Variants in BCL3 observed in about 807,000 individuals in gnomAD.
BCL3 encodes B-cell lymphoma 3 protein.
BCL3 carries 15 observed loss-of-function variants against 35.7 expected under a neutral mutation model. The observed-to-expected ratio is 0.42, with a 90% CI of 0.28 to 0.65. The LOEUF is 0.65. BCL3 is among the 30% of genes least tolerant of loss of function. The pLI is 0.22. For synonymous variants in BCL3, 311 were observed against 284.3 expected, an observed-to-expected ratio of 1.09 and a Z score of -0.95; for missense variants, 565 against 641.7, an observed-to-expected ratio of 0.88 and a Z score of 1.29.
upstream of BCL3, chr19:44,747,829 T>G: frequency 1.8e-6 from 2 of 1,142,522 alleles, no homozygotes; most frequent in Non-Finnish European, 2.2e-6. Context: ...TTTCTCTCTG[T>G]GCACCTAGGA....
chr19:44,757,446 G>T lies in BCL3; in HGVS notation c.813+31G>T. The T allele has an allele frequency of 1.3e-6, 2 of 1,562,294 alleles. No individual in the cohort carries two copies. Among genetic ancestry groups the T allele is most frequent in the Non-Finnish European group, 1.7e-6 (2 of 1,153,008 alleles). The stretch of plus-strand genomic sequence containing the variant: ...CGTGCACTAGGAGCTGGGAGGGAGC[G>T]GGGCCTTAGCAGGGGCGGGGTCTTG... On this transcript the variant is annotated intron_variant, in intron 5 of 8. Coordinates refer to ENST00000164227, the MANE Select transcript of BCL3 (RefSeq NM_005178.5). This position sits in a 1 kb window ranked among gnomAD's most constrained non-coding sequence, Gnocchi z 8.4.
Position 44,759,915 on chromosome 19 carries a change from G to C in BCL3, c.*300G>C, listed in dbSNP as rs1967394407. On this transcript the variant is annotated 3_prime_UTR_variant, in exon 9 of 9. Coordinates refer to ENST00000164227, the MANE Select transcript of BCL3 (RefSeq NM_005178.5). ...CCAGAGCTGGTGGACCCAGGGAACA[G>C]CCACTCCCCTCCACTCTCTACCAGA... The C allele has an allele frequency of 2.8e-6, 1 of 362,076 alleles. No individual in the cohort carries two copies. The highest frequency in any genetic ancestry group is 2.1e-5 in the African/African-American group (1 of 47,646). 22.4% of individuals were successfully genotyped at this position (362,076 alleles called of 1,614,324 possible).
intron 1 of BCL3, among the ~76,000 whole-genome samples, chr19:44,750,080 C>G (rs1184610001): frequency 6.6e-6 from 1 of 152,246 alleles, no homozygotes; most frequent in East Asian, 1.9e-4. Context: ...TGCAGAGAGC[C>G]GTTCTACAGA....
At chr19:44,753,690 G>A (rs2927457) in intron 2 of BCL3, among the ~76,000 whole-genome samples, 8,237 of 152,074 alleles carry the variant, frequency 0.054, 713 homozygotes, top group African/African-American at 0.19. Context: ...CTAAGTCTGG[G>A]TCCCCGCAGA....
intron 2 of BCL3, among the ~76,000 whole-genome samples, chr19:44,753,416 A>C (rs1298939052): frequency 6.6e-6 from 1 of 152,106 alleles, no homozygotes; most frequent in Non-Finnish European, 1.5e-5. Flanking sequence ...CTCTCCCCCA[A>C]GGCAAACACT....
chr19:44,751,756 C>T (rs1297891836), intron 2 of BCL3, among the ~76,000 whole-genome samples: 5 of 152,158 alleles, frequency 3.3e-5, no homozygotes, highest in Non-Finnish European at 7.4e-5. Context: ...TGCCCACTGC[C>T]AAGCCTGGCT....
At chr19:44,755,271 G>A (rs892442620) in intron 2 of BCL3, 3 of 152,322 alleles carry the variant, frequency 2.0e-5, no homozygotes, top group Admixed American at 1.3e-4. Flanking sequence ...TCTGGGCAGA[G>A]GGAGAAGTTG....
upstream of BCL3, chr19:44,748,590 A>C: frequency 2.1e-6 from 1 of 487,270 alleles, no homozygotes; most frequent in Non-Finnish European, 2.7e-6. Flanking sequence ...CGGCGGGAGC[A>C]GCGGCGGGTC....
chr19:44,759,042 A>AC (rs113988056), intron 8 of BCL3, among the ~76,000 whole-genome samples: 34 of 51,456 alleles, frequency 6.6e-4, no homozygotes, highest in African/African-American at 1.8e-3. Flanking sequence ...CCTCCTTCAG[A>AC]CCCCCCAGCC....
rs1217122859 is a variant in BCL3 at position 44,759,719 on chromosome 19, C to G, written c.*104C>G. ...AAGATCTCACTCTGCCCCCCCCCCC[C>G]ATCTTCGGGACCAGGATTTGCACAG... On this transcript the variant is annotated 3_prime_UTR_variant, in exon 9 of 9. Coordinates refer to ENST00000164227, the MANE Select transcript of BCL3 (RefSeq NM_005178.5). 2.7e-4 allele frequency: 165 copies of G among 614,298 alleles called. No individual in the cohort carries two copies. Among genetic ancestry groups the G allele is most frequent in the Non-Finnish European group, 4.0e-4 (148 of 371,694 alleles). 38.1% of individuals were successfully genotyped at this position (614,298 alleles called of 1,614,324 possible).
chr19:44,751,404 G>A lies in BCL3; in HGVS notation c.410+24G>A, dbSNP rs762551283. ...ACGTGAGTGACAGTCCCCTATTAAG[G>A]GGAGGGGTGGTTGGGAAGACCAGCC... On this transcript the variant is annotated intron_variant, in intron 2 of 8. Transcript: ENST00000164227. The A allele has an allele frequency of 8.5e-6, 13 of 1,534,698 alleles. No individual in the cohort carries two copies. The Middle Eastern group carries it at 6.9e-4, about 82-fold the overall frequency.
chr19:44,753,242 C>G (rs573551144), intron 2 of BCL3, among the ~76,000 whole-genome samples: 1 of 152,198 alleles, frequency 6.6e-6, no homozygotes, highest in Non-Finnish European at 1.5e-5. Context: ...AGTTCCCTCC[C>G]CTTCTGGGTA....
Position 44,756,280 on chromosome 19 carries a change from G to A in BCL3, c.459G>A (p.Arg153=). 1 of 1,555,936 alleles carries A rather than the reference G, an allele frequency of 6.4e-7. No homozygotes were observed. Among genetic ancestry groups the A allele is most frequent in the Non-Finnish European group, 8.7e-7 (1 of 1,147,814 alleles). The part of the protein sequence containing the change: ...VVQGNLPAVH[R]LVNLFQQGGR... The stretch of plus-strand genomic sequence containing the variant: ...AGGGTAACCTGCCAGCTGTGCACCG[G>A]CTGGTCAACCTCTTCCAGCAGGGGG... The change falls in exon 3 of 9, where the codon CGG becomes CGA. Residue 153 remains arginine, a synonymous_variant. Transcript: ENST00000164227.
intron 3 of BCL3, 108 bp downstream of exon 3, chr19:44,756,448 G>A: frequency 2.5e-6 from 2 of 811,058 alleles, no homozygotes; most frequent in South Asian, 5.8e-5. Flanking sequence ...GCTGGGGCCT[G>A]GACCCCTGGG....
intron 2 of BCL3, among the ~76,000 whole-genome samples, chr19:44,752,639 A>G (rs1967202899): frequency 6.6e-6 from 1 of 152,216 alleles, no homozygotes; most frequent in Non-Finnish European, 1.5e-5. Flanking sequence ...TCTGAAGAAC[A>G]TGTTTGTGAG....
chr19:44,753,593 C>T (rs1270587858), intron 2 of BCL3, among the ~76,000 whole-genome samples: 1 of 152,160 alleles, frequency 6.6e-6, no homozygotes, highest in Non-Finnish European at 1.5e-5. Context: ...TTTACCGGAA[C>T]GGGCAGCGGC....
chr19:44,748,742 C>G lies in BCL3; in HGVS notation c.-49C>G. The G allele has an allele frequency of 9.3e-7, 1 of 1,078,080 alleles. No homozygotes were observed. The highest frequency in any genetic ancestry group is 1.1e-6 in the Non-Finnish European group (1 of 889,946). 66.8% of individuals were successfully genotyped at this position (1,078,080 alleles called of 1,614,324 possible). A position where few individuals can be genotyped will look rare whatever the true frequency, so the allele number is the denominator to read the frequency against. ...CCCGGCGCCCGGCGAAACCACCCTC[C>G]CGTGCAGCCGAGCCCAGCCGCTCTC... is the stretch of plus-strand genomic sequence containing the variant. On this transcript the variant is annotated 5_prime_UTR_variant, in exon 1 of 9. Coordinates refer to ENST00000164227, the MANE Select transcript of BCL3 (RefSeq NM_005178.5).
At chr19:44,751,729 G>A (rs893634270) in intron 2 of BCL3, among the ~76,000 whole-genome samples, 2 of 152,168 alleles carry the variant, frequency 1.3e-5, no homozygotes, top group African/African-American at 4.8e-5. Context: ...AGCCTCCCGA[G>A]TAGCTGAGAC....
Position 44,759,473 on chromosome 19 carries a change from C to G in BCL3, c.1223C>G (p.Pro408Arg). 1 of 1,612,280 alleles carries G rather than the reference C, an allele frequency of 6.2e-7. No individual in the cohort carries two copies. ...SPSSSPSQSPPRDPPGFPMAP... is the reference protein window; with the variant it reads ...SPSSSPSQSPRRDPPGFPMAP... ...TCCTCCTCACCCTCCCAGTCTCCCC[C>G]CAGGGACCCCCCTGGATTCCCCATG... Residue 408 changes from proline to arginine, a missense_variant, in exon 9 of 9, where the codon CCC becomes CGC. Pro to Arg is a moderately radical substitution (Grantham distance 103). This residue lies in a region of BCL3 where 151 missense variants were observed against 138.1 expected (regional missense o/e 1.09). Coordinates refer to ENST00000164227, the MANE Select transcript of BCL3 (RefSeq NM_005178.5).
Sources: gnomAD v4.1 joint callset for allele counts (sites outside exome capture counted in the v4.1 genomes callset) on GRCh38, gnomAD v4.1.1 for gene constraint, gnomAD v4.1.1 regional missense constraint, Gnocchi (gnomAD v3.1) non-coding constraint, MANE v1.5 for transcripts, NCBI Gene and HGNC (gene_info 2026-07-23, HGNC 2026-07-21) for gene names.